The following GLI3 variants were observed in gnomAD, a reference collection of about 807,000 sequenced individuals.
The protein encoded by GLI3 is GLI family zinc finger 3.
In GLI3, 20 loss-of-function variants were observed where a neutral mutation model predicts 100.8. The ratio of observed to expected loss-of-function variants is 0.20; its 90% CI spans 0.14 to 0.29. GLI3 has a LOEUF of 0.29. GLI3 is among the 10% of genes least tolerant of loss of function. The pLI is 1.00. For missense variants in GLI3, 2,040 were observed against 2,128.5 expected (o/e 0.96, Z 0.82); for synonymous variants, 938 against 860.5 (o/e 1.09, Z -1.58).
chr7:42,107,058 G>A (rs1785593581), intron 3 of GLI3, among the ~76,000 whole-genome samples: 1 of 152,162 alleles, frequency 6.6e-6, no homozygotes, highest in Non-Finnish European at 1.5e-5. Context: ...GCTCACACCT[G>A]TAATCCTCGC....
At chr7:42,132,155 C>G (rs926477910) in intron 3 of GLI3, among the ~76,000 whole-genome samples, 1 of 151,894 alleles carries the variant, frequency 6.6e-6, no homozygotes, top group Non-Finnish European at 1.5e-5. Flanking sequence ...GGCTGGAGTG[C>G]AGTGGTTCAA....
intron 2 of GLI3, among the ~76,000 whole-genome samples, chr7:42,193,811 G>A (rs6960286): frequency 0.075 from 11,453 of 152,020 alleles, 1,447 homozygotes; most frequent in African/African-American, 0.26. Context: ...CCAACATACA[G>A]AAAAGTACTA....
rs147898461 is a variant in GLI3, at chr7:42,262,028, CTCTTTCTT to C, written c.-43+1958_-43+1965del. Reference sequence around the variant, plus strand: ...TTCTTTCTTTCCTTCCTCTCTCTCTCTCTTTCTTTCTTTCTTTCTTTTTTCTTTCCTCC... The same window carrying C: ...TTCTTTCTTTCCTTCCTCTCTCTCTCTCTTTCTTTCTTTTTTCTTTCCTCC... On this transcript the variant is annotated intron_variant, in intron 1 of 2. Coordinates refer to the GLI3 transcript ENST00000678978. Among the ~76,000 whole-genome samples the C allele has an allele frequency of 1.3e-3, 183 of 145,660 alleles. 1 individual carries two copies. The highest frequency in any genetic ancestry group is 5.3e-3 in the Admixed American group (76 of 14,286).
chr7:42,152,218 G>A (rs748329895), intron 2 of GLI3: 5 of 164,826 alleles, frequency 3.0e-5, no homozygotes, highest in African/African-American at 4.8e-5. Context: ...CTGATTAGGA[G>A]CTCACAGTAC....
chr7:42,081,471 T>C (rs987838929), intron 3 of GLI3, among the ~76,000 whole-genome samples: 3 of 152,182 alleles, frequency 2.0e-5, no homozygotes, highest in African/African-American at 7.2e-5. Context: ...CTGAAATGCA[T>C]AGCAAAAATA....
In GLI3 at chr7:41,965,578, G is replaced by C. The variant is rs752183617; in HGVS notation, c.3495C>G (p.Val1165=). Residue 1165 remains valine (V), a synonymous_variant, in exon 15 of 15, where the codon GTC becomes GTG. Transcript: ENST00000395925. ...KTDLPIQWNE[V]SSGSADLSSS... The stretch of plus-strand genomic sequence containing the variant: ...AGGACAGGTCGGCGCTTCCGGAGCT[G>C]ACTTCGTTCCACTGAATGGGCAGGT... 2.5e-6 allele frequency: 4 copies of C among 1,605,314 alleles called. No homozygotes were observed. The African/African-American group carries it at 5.4e-5, about 21-fold the overall frequency.
At chr7:42,115,745 T>G (rs3801185) in intron 3 of GLI3, among the ~76,000 whole-genome samples, 51,296 of 151,918 alleles carry the variant, frequency 0.34, 8,959 homozygotes, top group Middle Eastern at 0.46. Context: ...GTGAGGTTAT[T>G]TTAAGGTGGT....
At chr7:42,059,088 T>G (rs912750650) in intron 4 of GLI3, among the ~76,000 whole-genome samples, 17 of 152,314 alleles carry the variant, frequency 1.1e-4, no homozygotes, top group African/African-American at 2.9e-4. Context: ...AATGTATGTT[T>G]CTCACATTTT....
intron 10 of GLI3, among the ~76,000 whole-genome samples, chr7:41,998,492 C>T (rs1403585469): frequency 6.6e-6 from 1 of 152,168 alleles, no homozygotes; most frequent in Non-Finnish European, 1.5e-5. Flanking sequence ...CCATGGCCCT[C>T]ACTTATATAA....
At position 41,966,209 on chromosome 7, in the gene GLI3, G is replaced by C; in HGVS notation, c.2864C>G (p.Thr955Arg). ...LPNMERMSLK[T>R]RLALLGDALE... ...GGCATCCCCGAGCAGCGCCAGGCGC[G>C]TCTTCAGGCTCATCCTCTCCATGTT... Residue 955 changes from threonine (T) to arginine (R), a missense_variant, in exon 15 of 15, where the codon ACG becomes AGG. Thr to Arg is a moderately conservative substitution (Grantham distance 71, BLOSUM62 -1). Around this residue, in one of 5 missense-constraint regions of GLI3, gnomAD observed 1,041 missense variants for 924.0 expected, o/e 1.13. Coordinates refer to ENST00000395925, the MANE Select transcript of GLI3 (RefSeq NM_000168.6). This position sits in a 1 kb window ranked among gnomAD's most constrained non-coding sequence, Gnocchi z 5.8. 1 of 1,607,702 alleles carries C rather than the reference G, an allele frequency of 6.2e-7. No homozygotes were observed. The highest frequency in any genetic ancestry group is 8.5e-7 in the Non-Finnish European group (1 of 1,178,768).
At chr7:41,977,919 C>T in intron 11 of GLI3, 197 bp from the exon 12 acceptor site, 1 of 613,434 alleles carries the variant, frequency 1.6e-6, no homozygotes, top group Non-Finnish European at 2.9e-6. Context: ...AAAGAGTTTT[C>T]AGTGCCAGTA....
At chr7:42,005,696 C>T (rs531527942) in intron 10 of GLI3, among the ~76,000 whole-genome samples, 1 of 152,092 alleles carries the variant, frequency 6.6e-6, no homozygotes, top group African/African-American at 2.4e-5. Flanking sequence ...TTAACCACTG[C>T]CCGACGTGGG....
intron 4 of GLI3, among the ~76,000 whole-genome samples, chr7:42,055,186 G>A (rs1378502792): frequency 2.0e-5 from 3 of 151,400 alleles, no homozygotes; most frequent in Non-Finnish European, 4.4e-5. Flanking sequence ...AAATGTTCAA[G>A]AGTAAAACAG....
intron 3 of GLI3, among the ~76,000 whole-genome samples, chr7:42,086,456 C>T (rs904340394): frequency 1.3e-5 from 2 of 152,042 alleles, no homozygotes; most frequent in Non-Finnish European, 2.9e-5. Context: ...GAACCATATC[C>T]CTCCCTTCTC....
At chr7:42,002,401 C>A (rs1040204771) in intron 10 of GLI3, among the ~76,000 whole-genome samples, 16 of 152,062 alleles carry the variant, frequency 1.1e-4, no homozygotes, top group Non-Finnish European at 1.9e-4. Context: ...AATAACAGAG[C>A]ATCAAAACAT....
At chr7:42,226,057 T>C (rs1788574910) in intron 1 of GLI3, among the ~76,000 whole-genome samples, 1 of 152,236 alleles carries the variant, frequency 6.6e-6, no homozygotes, top group African/African-American at 2.4e-5. Flanking sequence ...CGTTGAAAAC[T>C]GGCAAATTCT....
Position 41,977,730 on chromosome 7 carries a change from C to T in GLI3, c.1648-8G>A, listed in dbSNP as rs1264196085. 2 of 1,613,394 alleles carry T rather than the reference C, an allele frequency of 1.2e-6. No homozygotes were observed. Among genetic ancestry groups the T allele is most frequent in the Non-Finnish European group, 1.7e-6 (2 of 1,179,330 alleles). ...CTTTGTGCAACCTTCAAACTGAGGACAACAGGTAAATCTGGATTACTCTGC... is the reference window on the plus strand; with the variant it reads ...CTTTGTGCAACCTTCAAACTGAGGATAACAGGTAAATCTGGATTACTCTGC... On this transcript the variant is annotated splice_region_variant and splice_polypyrimidine_tract_variant and intron_variant, in intron 11 of 14. Coordinates refer to ENST00000395925, the MANE Select transcript of GLI3 (RefSeq NM_000168.6).
chr7:42,143,949 T>C (rs1053221691), intron 3 of GLI3, among the ~76,000 whole-genome samples: 18 of 152,144 alleles, frequency 1.2e-4, no homozygotes. Context: ...GACCCTATAA[T>C]ATGACATGAC....
intron 3 of GLI3, among the ~76,000 whole-genome samples, chr7:42,134,574 G>A (rs1786380375): frequency 6.6e-6 from 1 of 152,128 alleles, no homozygotes; most frequent in Non-Finnish European, 1.5e-5. Flanking sequence ...TGCTAAATTA[G>A]GCATGCTGTG....
Sources: allele counts gnomAD v4.1 joint callset (sites outside exome capture counted in the v4.1 genomes callset), GRCh38; gene constraint gnomAD v4.1.1; regional missense constraint gnomAD v4.1.1; non-coding constraint Gnocchi (gnomAD v3.1); transcripts MANE v1.5; gene names NCBI Gene and HGNC (gene_info 2026-07-23, HGNC 2026-07-21).